HAO1: variants seen among roughly 807,000 people sequenced by gnomAD.
HAO1 encodes hydroxyacid oxidase 1, also known as 2-Hydroxyacid oxidase 1.
A neutral mutation model predicts 39.7 loss-of-function variants in HAO1; 34 were observed. The ratio of observed to expected loss-of-function variants is 0.86; its 90% confidence interval spans 0.65 to 1.14. The LOEUF is 1.14. Among genes scored for constraint, HAO1 ranks in the 50% most tolerant of loss-of-function variants. The pLI, the probability that HAO1 is intolerant of heterozygous loss-of-function variation, is 0.00. For missense variants in HAO1, 479 were observed against 464.5 expected (o/e 1.03, Z -0.29); for synonymous variants, 172 against 173.2 (o/e 0.99, Z 0.05).
rs187755247 is a variant in HAO1 at position 7,892,745 on chromosome 20, T to G, written c.813+2388A>C. On this transcript the variant is annotated intron_variant, in intron 5 of 7. Transcript: ENST00000378789. ...GGTCTGGAAAGTTCACCCACATTAC[T>G]TAGTAGATAGATAGATAGGTAGATA... Among the ~76,000 whole-genome samples the G allele has an allele frequency of 3.9e-3, 601 of 152,196 alleles. 2 individuals are homozygous for G. The highest frequency in any genetic ancestry group is 0.013 in the African/African-American group (558 of 41,530).
intron 4 of HAO1, among the ~76,000 whole-genome samples, chr20:7,900,749 C>T (rs955551434): frequency 3.3e-5 from 5 of 152,074 alleles, no homozygotes; most frequent in African/African-American, 7.2e-5. Flanking sequence ...GGCTTCTAAG[C>T]GCTCAAGGAA....
At chr20:7,915,370 G>A (rs1213270631) in intron 2 of HAO1, among the ~76,000 whole-genome samples, 1 of 151,720 alleles carries the variant, frequency 6.6e-6, no homozygotes, top group Non-Finnish European at 1.5e-5. Flanking sequence ...AGGAGAAGAA[G>A]AAGGGAAAGG....
At chr20:7,893,782 A>G (rs911869675) in intron 5 of HAO1, among the ~76,000 whole-genome samples, 2 of 152,136 alleles carry the variant, frequency 1.3e-5, no homozygotes, top group Non-Finnish European at 2.9e-5. Context: ...TGATTTTAGT[A>G]ATAATAAAAC....
At chr20:7,923,947 A>G (rs1178277023) in intron 2 of HAO1, among the ~76,000 whole-genome samples, 3 of 152,132 alleles carry the variant, frequency 2.0e-5, no homozygotes, top group Admixed American at 6.6e-5. Flanking sequence ...GGAAATATGG[A>G]GCAATGGCAG....
intron 3 of HAO1, among the ~76,000 whole-genome samples, chr20:7,908,488 C>T (rs1354252951): frequency 6.6e-6 from 1 of 151,720 alleles, no homozygotes; most frequent in African/African-American, 2.4e-5. Flanking sequence ...TAATAGAAAA[C>T]TATGATTTTT....
chr20:7,885,940 G>T, intron 5 of HAO1, 76 bp from the exon 6 acceptor site: 2 of 1,225,692 alleles, frequency 1.6e-6, no homozygotes, highest in Non-Finnish European at 2.4e-6. Flanking sequence ...AAAAACCACT[G>T]ACACATCCAG....
chr20:7,891,937 T>A (rs1441696313), intron 5 of HAO1, among the ~76,000 whole-genome samples: 1 of 152,168 alleles, frequency 6.6e-6, no homozygotes, highest in African/African-American at 2.4e-5. Flanking sequence ...GACCAACCTC[T>A]CCACCCTACT....
chr20:7,906,894 T>C (rs2050250957), intron 3 of HAO1, among the ~76,000 whole-genome samples: 1 of 152,224 alleles, frequency 6.6e-6, no homozygotes, highest in Non-Finnish European at 1.5e-5. Flanking sequence ...ACTGGGTCCC[T>C]TGACTTCATT....
At position 7,904,347 on chromosome 20, in the gene HAO1, T is replaced by C. The variant is rs559105357; in HGVS notation, c.721+1807A>G. On this transcript the variant is annotated intron_variant, in intron 4 of 7. Coordinates refer to ENST00000378789, the MANE Select transcript of HAO1 (RefSeq NM_017545.3). ...TCCATTAGGTCCGTTGTGCAAAGCA[T>C]GATTTCTGTAAAATGCTTATATGAT... 7.2e-5 allele frequency among the ~76,000 whole-genome samples: 11 copies of C among 152,360 alleles called. No homozygotes were observed. The South Asian group carries it at 8.3e-4, about 11-fold the overall frequency.
At chr20:7,934,720 GA>G in intron 1 of HAO1, 85 bp from the exon 2 acceptor site, 1 of 785,904 alleles carries the variant, frequency 1.3e-6, no homozygotes. Context: ...TTAGTTAAAA[GA>G]AAAAATATAA....
intron 5 of HAO1, among the ~76,000 whole-genome samples, chr20:7,886,776 C>A (rs1331262161): frequency 1.3e-5 from 2 of 152,168 alleles, no homozygotes; most frequent in Admixed American, 6.5e-5. Context: ...TGCACCTTAG[C>A]CTTGGAAACT....
intron 5 of HAO1, among the ~76,000 whole-genome samples, chr20:7,889,844 C>G (rs1432900478): frequency 6.6e-6 from 1 of 152,194 alleles, no homozygotes; most frequent in Non-Finnish European, 1.5e-5. Flanking sequence ...TTAAAAGTCT[C>G]ATTGGCTTAC....
chr20:7,909,447 G>GA (rs1029391545), intron 3 of HAO1, among the ~76,000 whole-genome samples: 7 of 141,434 alleles, frequency 4.9e-5, no homozygotes, highest in Non-Finnish European at 9.0e-5. Context: ...CATTTCATAA[G>GA]AAAAAAAGGG....
chr20:7,914,526 T>C (rs2050297479), intron 2 of HAO1, 107 bp from the exon 3 acceptor site: 3 of 1,198,180 alleles, frequency 2.5e-6, no homozygotes, highest in Non-Finnish European at 3.5e-6. Flanking sequence ...AATTTGGCAA[T>C]ATGAAGTCAA....
At chr20:7,925,061 A>C (rs936785333) in intron 2 of HAO1, among the ~76,000 whole-genome samples, 1 of 152,184 alleles carries the variant, frequency 6.6e-6, no homozygotes, top group African/African-American at 2.4e-5. Context: ...AACTACCATC[A>C]TAAAGGTCTT....
Position 7,940,292 on chromosome 20 carries a change from A to G in HAO1, c.131T>C (p.Phe44Ser). Reference protein sequence around the residue: ...EETLADNIAAFSRWKLYPRML... With the variant: ...EETLADNIAASSRWKLYPRML... ...AAAAAATAAATTTTCTTACCTGGAA[A>G]ATGCTGCAATATTATCAGCCAAAGT... The change falls in exon 1 of 8, where the codon TTT becomes TCT. Residue 44 changes from phenylalanine (F) to serine (S), a missense_variant. By Grantham distance (155) the Phe-to-Ser change is radical. Transcript: ENST00000378789. The G allele has an allele frequency of 6.3e-7, 1 of 1,597,676 alleles. No homozygotes were observed. Among genetic ancestry groups the G allele is most frequent in the Non-Finnish European group, 8.5e-7 (1 of 1,175,072 alleles).
At chr20:7,887,452 T>G (rs2050155779) in intron 5 of HAO1, among the ~76,000 whole-genome samples, 1 of 152,166 alleles carries the variant, frequency 6.6e-6, no homozygotes, top group African/African-American at 2.4e-5. Context: ...AGGTAACACT[T>G]GGCATGTGGT....
chr20:7,900,243 G>C (rs6077285), intron 4 of HAO1, among the ~76,000 whole-genome samples: 35,083 of 151,970 alleles, frequency 0.23, 4,880 homozygotes, highest in East Asian at 0.56. Flanking sequence ...TTAGAAATTG[G>C]AAATCACCAC....
chr20:7,924,224 T>C (rs2050348831), intron 2 of HAO1, among the ~76,000 whole-genome samples: 1 of 134,618 alleles, frequency 7.4e-6, no homozygotes, highest in Admixed American at 7.2e-5. Flanking sequence ...GTTGTTGTTG[T>C]TGTTTGTTTG....
Sources: gnomAD v4.1 joint callset for allele counts (sites outside exome capture counted in the v4.1 genomes callset) on GRCh38, gnomAD v4.1.1 for gene constraint, MANE v1.5 for transcripts, NCBI Gene and HGNC (gene_info 2026-07-23, HGNC 2026-07-21) for gene names.